Variants in MED20 observed in about 807,000 individuals in gnomAD.
The protein encoded by MED20 is mediator complex subunit 20.
Under a neutral mutation model 19.7 loss-of-function variants are expected in MED20, and 19 were observed. The ratio of observed to expected loss-of-function variants is 0.96; its 90% CI spans 0.67 to 1.42. The LOEUF (loss-of-function observed/expected upper bound fraction) is 1.42. MED20 is among the 40% of genes most tolerant of loss of function. The pLI, the probability that MED20 is intolerant of heterozygous loss-of-function variation, is 0.00. For missense variants in MED20, 225 were observed against 273.0 expected (o/e 0.82, Z 1.24); for synonymous variants, 105 against 104.8 (o/e 1.00, Z -0.01).
chr6:41,921,120 A>C lies in MED20; in HGVS notation c.-102T>G. 12 of 1,478,068 alleles carry C rather than the reference A, an allele frequency of 8.1e-6. No homozygotes were observed. Among genetic ancestry groups the C allele is most frequent in the South Asian group, 1.2e-5 (1 of 83,260 alleles). The allele number at this position is 1,478,068 out of a possible 1,614,324, so 91.6% of individuals were successfully genotyped here. On this transcript the variant is annotated 5_prime_UTR_variant, in exon 1 of 4. Transcript: ENST00000265350. ...GTTCCCCAACACAACCTTCTGTCTC[A>C]GAAGGGACTCCGGAAATACGTAAAA...
chr6:41,913,335 T>C (rs7746198), intron 2 of MED20, among the ~76,000 whole-genome samples: 15,935 of 152,138 alleles, frequency 0.1, 930 homozygotes, highest in Middle Eastern at 0.21. Context: ...TTTATTGCTC[T>C]TTCCTGCCTG....
At chr6:41,909,677 C>A (rs1279321235) in intron 2 of MED20, among the ~76,000 whole-genome samples, 155 bp from the exon 3 acceptor site, 1 of 152,108 alleles carries the variant, frequency 6.6e-6, no homozygotes, top group African/African-American at 2.4e-5. Context: ...TCACTGACAG[C>A]CTTTTCTAGA....
At chr6:41,908,955 G>A in intron 3 of MED20, 1 of 398,046 alleles carries the variant, frequency 2.5e-6, no homozygotes, top group Non-Finnish European at 4.5e-6. Flanking sequence ...GGCTGAGATG[G>A]GAGGATCAAT....
intron 2 of MED20, among the ~76,000 whole-genome samples, chr6:41,912,747 A>C (rs2127377610): frequency 6.6e-6 from 1 of 152,276 alleles, no homozygotes; most frequent in African/African-American, 2.4e-5. Context: ...CCCTTTCTAA[A>C]GATGAGGAAA....
intron 3 of MED20, among the ~76,000 whole-genome samples, chr6:41,908,101 T>C (rs952089889): frequency 6.6e-6 from 1 of 152,206 alleles, no homozygotes; most frequent in African/African-American, 2.4e-5. Context: ...CCCATGTCTC[T>C]ACATTTTAAA....
At chr6:41,908,525 C>T (rs1168674419) in intron 3 of MED20, among the ~76,000 whole-genome samples, 1 of 152,230 alleles carries the variant, frequency 6.6e-6, no homozygotes, top group Non-Finnish European at 1.5e-5. Context: ...AGGAAAAGCA[C>T]ATTTTTGCTT....
At chr6:41,917,060 T>A in intron 1 of MED20, 121 bp from the exon 2 acceptor site, 1 of 1,036,110 alleles carries the variant, frequency 9.7e-7, no homozygotes, top group South Asian at 1.8e-5. Flanking sequence ...AATTACCTAC[T>A]CTGACCGTCT....
At chr6:41,914,670 G>C (rs1381286247) in intron 2 of MED20, among the ~76,000 whole-genome samples, 1 of 151,292 alleles carries the variant, frequency 6.6e-6, no homozygotes, top group Non-Finnish European at 1.5e-5. Context: ...AGTGAGCTGT[G>C]ATCATGCTAC....
At chr6:41,915,956 T>C (rs1775305677) in intron 2 of MED20, among the ~76,000 whole-genome samples, 2 of 152,122 alleles carry the variant, frequency 1.3e-5, no homozygotes, top group South Asian at 4.1e-4. Flanking sequence ...TATACCTCAA[T>C]AAAGCTTTAG....
Position 41,920,923 on chromosome 6 carries a change from G to C in MED20, c.14+82C>G, listed in dbSNP as rs982629895. ...GAGGACATCTCCCTCAGCTCCCAGA[G>C]GACGGCGGACCATGGTCAAGGTCCT... is the stretch of plus-strand genomic sequence containing the variant. On this transcript the variant is annotated intron_variant, in intron 1 of 3. Transcript: ENST00000265350. The C allele has an allele frequency of 7.1e-6, 11 of 1,544,644 alleles. No homozygotes were observed. In the African/African-American group the frequency reaches 8.3e-5, roughly 12 times the overall value.
intron 2 of MED20, among the ~76,000 whole-genome samples, chr6:41,915,378 C>A (rs1447738956): frequency 6.6e-6 from 1 of 152,170 alleles, no homozygotes; most frequent in Non-Finnish European, 1.5e-5. Flanking sequence ...CCTGTAGTTT[C>A]AGCTACTCAG....
At chr6:41,913,417 G>A (rs1260908484) in intron 2 of MED20, among the ~76,000 whole-genome samples, 3 of 152,276 alleles carry the variant, frequency 2.0e-5, no homozygotes, top group East Asian at 1.9e-4. Flanking sequence ...GCCCACACCA[G>A]GTAGTTTCAC....
chr6:41,910,529 G>T (rs999765686), intron 2 of MED20, among the ~76,000 whole-genome samples: 1 of 151,822 alleles, frequency 6.6e-6, no homozygotes, highest in African/African-American at 2.4e-5. Flanking sequence ...CTACTGGGGA[G>T]GCTGAGGCAC....
chr6:41,910,505 G>A (rs192761063), intron 2 of MED20, among the ~76,000 whole-genome samples: 5 of 151,784 alleles, frequency 3.3e-5, no homozygotes, highest in East Asian at 3.9e-4. Context: ...GGCGGTGCAC[G>A]CCTGTAATCC....
At chr6:41,919,409 T>C (rs1390044213) in intron 1 of MED20, among the ~76,000 whole-genome samples, 2 of 152,230 alleles carry the variant, frequency 1.3e-5, no homozygotes, top group Non-Finnish European at 1.5e-5. Context: ...GACATTGCTT[T>C]ATGATCAACT....
Position 41,907,325 on chromosome 6 carries a change from G to A in MED20, c.424-38C>T, listed in dbSNP as rs771616632. 13 of 1,564,388 alleles carry A rather than the reference G, an allele frequency of 8.3e-6. No individual in the cohort carries two copies. The African/African-American group carries it at 1.1e-4, about 13-fold the overall frequency. On this transcript the variant is annotated intron_variant, in intron 3 of 3. Coordinates refer to ENST00000265350, the MANE Select transcript of MED20 (RefSeq NM_004275.5). ...AGCACAGAGAATGAGGGTGAATGAA[G>A]GCTAAGACAAGGTCTGCTTCTCTTG...
At chr6:41,920,176 T>C (rs1775423244) in intron 1 of MED20, among the ~76,000 whole-genome samples, 1 of 152,142 alleles carries the variant, frequency 6.6e-6, no homozygotes, top group Admixed American at 6.5e-5. Flanking sequence ...AAAAACTCCA[T>C]TGAAACTAGA....
At position 41,909,469 on chromosome 6, in the gene MED20, AG is replaced by A; in HGVS notation, c.222del (p.Cys75ValfsTer22). 1 of 1,614,274 alleles carries A rather than the reference AG, an allele frequency of 6.2e-7. No individual in the cohort carries two copies. The highest frequency in any genetic ancestry group is 8.5e-7 in the Non-Finnish European group (1 of 1,180,052). ...GGGCCATTCTCAAAGAGGGCGAAAC[AG>A]CTCAATGGGTACTCTGAGTTGTGCA... ...YVMHNSEYPL[S>X]CFALFENGPC... On this transcript the variant is annotated frameshift_variant, in exon 3 of 4. Coordinates refer to ENST00000265350, the MANE Select transcript of MED20 (RefSeq NM_004275.5). LOFTEE classifies it high-confidence loss of function.
intron 1 of MED20, chr6:41,917,498 T>C: frequency 4.1e-6 from 1 of 243,454 alleles, no homozygotes; most frequent in South Asian, 3.9e-5. Context: ...AACAATCAAT[T>C]AAGATAACTC....
Sources: allele counts gnomAD v4.1 joint callset (sites outside exome capture counted in the v4.1 genomes callset), GRCh38; gene constraint gnomAD v4.1.1; transcripts MANE v1.5; gene names NCBI Gene and HGNC (gene_info 2026-07-23, HGNC 2026-07-21).